Variants in BRD4 observed in about 807,000 individuals in gnomAD.
BRD4 encodes the protein bromodomain-containing protein 4.
A neutral mutation model predicts 142.1 loss-of-function variants in BRD4; 16 were observed. The observed-to-expected ratio is 0.11, with a 90% CI of 0.08 to 0.17. The LOEUF is 0.17. Ranked by LOEUF, BRD4 falls within the 10% of genes least tolerant of loss-of-function variation. BRD4 has a pLI of 1.00. For missense variants in BRD4, 1,424 were observed against 1,810.9 expected, an observed-to-expected ratio of 0.79 and a Z score of 3.88; for synonymous variants, 833 against 707.5, an observed-to-expected ratio of 1.18 and a Z score of -2.82.
At chr19:15,290,188 C>T (rs1223097295) in intron 1 of BRD4, among the ~76,000 whole-genome samples, 1 of 152,088 alleles carries the variant, frequency 6.6e-6, no homozygotes, top group African/African-American at 2.4e-5. Flanking sequence ...AAAGAAGCTC[C>T]CATCGAGGCC....
chr19:15,256,979 A>G lies in BRD4; in HGVS notation c.1536T>C (p.Ala512=). 1.3e-6 allele frequency: 2 copies of G among 1,575,558 alleles called. No homozygotes were observed. The highest frequency in any genetic ancestry group is 1.2e-5 in the South Asian group (1 of 85,886). The change falls in exon 8 of 20, where the codon GCT becomes GCC. Residue 512 remains alanine (A), a synonymous_variant. Transcript: ENST00000679869. The part of the protein sequence containing the change: ...DSEEERAQRL[A]ELQEQLKAVH... ...ATGCCCTCACCTGCTCCTGGAGCTC[A>G]GCCAGCCGCTGGGCTCGCTCCTCCT...
At chr19:15,314,503 C>T (rs554848937) in intron 1 of BRD4, among the ~76,000 whole-genome samples, 1 of 152,246 alleles carries the variant, frequency 6.6e-6, no homozygotes, top group East Asian at 1.9e-4. Context: ...TTATTTCCGA[C>T]GTCCTATTGG....
intron 1 of BRD4, among the ~76,000 whole-genome samples, chr19:15,297,671 G>A (rs571999127): frequency 6.6e-6 from 1 of 152,300 alleles, no homozygotes; most frequent in East Asian, 1.9e-4. Flanking sequence ...TTTGCTCAGG[G>A]ATCAGGTTTA....
intron 1 of BRD4, among the ~76,000 whole-genome samples, chr19:15,302,664 G>C (rs1387318288): frequency 2.1e-5 from 1 of 46,838 alleles, no homozygotes; most frequent in Non-Finnish European, 3.4e-5. Flanking sequence ...GCAAGACTCC[G>C]ACTCAAAAAA....
chr19:15,268,572 T>C (rs2047556761), intron 3 of BRD4, among the ~76,000 whole-genome samples: 1 of 152,180 alleles, frequency 6.6e-6, no homozygotes, highest in Admixed American at 6.5e-5. Flanking sequence ...CCAAATGGAC[T>C]TTGTCATGAG....
At position 15,254,278 on chromosome 19, in the gene BRD4, T is replaced by G; in HGVS notation, c.2048-16A>C. On this transcript the variant is annotated splice_polypyrimidine_tract_variant and intron_variant, in intron 10 of 19. Coordinates refer to ENST00000679869, the MANE Select transcript of BRD4 (RefSeq NM_001379291.1). ...ACTTTCTCAGCTGCAATCCAAGCAA[T>G]GGGAGCTGGTCAGGCAGGGCTGTGG... The G allele has an allele frequency of 6.2e-7, 1 of 1,608,516 alleles. No individual in the cohort carries two copies.
Position 15,238,961 on chromosome 19 carries a change from C to T in BRD4, c.3802G>A (p.Ala1268Thr). The change falls in exon 19 of 20, where the codon GCG becomes ACG. Residue 1268 changes from alanine to threonine, a missense_variant. Around this residue, in one of 16 missense-constraint regions of BRD4, gnomAD observed 109 missense variants for 117.9 expected, o/e 0.92. Coordinates refer to ENST00000679869, the MANE Select transcript of BRD4 (RefSeq NM_001379291.1). This position sits in a 1 kb window ranked among gnomAD's most constrained non-coding sequence, Gnocchi z 7.2. ...ERMRSREDEDALEQARRAHEE... is the reference protein window; with the variant it reads ...ERMRSREDEDTLEQARRAHEE... ...TGGGCCCGCCGGGCCTGCTCCAGCG[C>T]ATCCTCGTCCTCTCGGCTCCTGGGC... 2 of 1,590,976 alleles carry T rather than the reference C, an allele frequency of 1.3e-6. No homozygotes were observed. Among genetic ancestry groups the T allele is most frequent in the African/African-American group, 1.3e-5 (1 of 74,668 alleles).
intron 1 of BRD4, among the ~76,000 whole-genome samples, chr19:15,299,259 C>T (rs1201968496): frequency 6.6e-6 from 1 of 152,164 alleles, no homozygotes; most frequent in African/African-American, 2.4e-5. Context: ...AGAATGACCC[C>T]TGCCATTTTA....
At chr19:15,301,160 G>A (rs1436972055) in intron 1 of BRD4, among the ~76,000 whole-genome samples, 1 of 152,172 alleles carries the variant, frequency 6.6e-6, no homozygotes, top group Admixed American at 6.5e-5. Flanking sequence ...CTATGTTAAC[G>A]AAAAGAAGCC....
intron 1 of BRD4, among the ~76,000 whole-genome samples, chr19:15,328,608 G>A (rs553308895): frequency 1.7e-4 from 26 of 152,234 alleles, no homozygotes; most frequent in Middle Eastern, 3.4e-3. Context: ...TTTTTAAAGC[G>A]GGATTATTTG....
chr19:15,292,186 A>G (rs892299506), intron 1 of BRD4, among the ~76,000 whole-genome samples: 2 of 152,164 alleles, frequency 1.3e-5, no homozygotes, highest in African/African-American at 2.4e-5. Flanking sequence ...ATCCCACCAT[A>G]CTTAATGATC....
At chr19:15,257,716 C>T (rs536168796) in intron 7 of BRD4, among the ~76,000 whole-genome samples, 2 of 152,294 alleles carry the variant, frequency 1.3e-5, no homozygotes, top group South Asian at 4.1e-4. Context: ...AGTCGGTCTC[C>T]TCATTCCTCA....
chr19:15,273,108 T>C lies in BRD4; in HGVS notation c.-9A>G. On this transcript the variant is annotated 5_prime_UTR_variant, in exon 2 of 20. Coordinates refer to ENST00000679869, the MANE Select transcript of BRD4 (RefSeq NM_001379291.1). ...CCGCTCTCCGCAGACATGCTAGTGA[T>C]CCCATCACATTCTTCACCAGGCACT... 6.4e-7 allele frequency: 1 copy of C among 1,572,584 alleles called. No individual in the cohort carries two copies. Among genetic ancestry groups the C allele is most frequent in the Non-Finnish European group, 8.6e-7 (1 of 1,157,106 alleles).
chr19:15,247,225 G>C (rs1208769237), intron 11 of BRD4: 1 of 230,528 alleles, frequency 4.3e-6, no homozygotes, highest in Non-Finnish European at 8.6e-6. Flanking sequence ...GGAGGGTAAG[G>C]TCAGGGCAGA....
intron 1 of BRD4, among the ~76,000 whole-genome samples, chr19:15,302,939 C>T (rs1004408699): frequency 2.8e-5 from 4 of 143,624 alleles, no homozygotes; most frequent in Admixed American, 1.5e-4. Context: ...ACCCGGGAGG[C>T]GGAGCTTGCA....
intron 1 of BRD4, among the ~76,000 whole-genome samples, chr19:15,326,677 T>G (rs1228542478): frequency 6.6e-6 from 1 of 152,122 alleles, no homozygotes; most frequent in Non-Finnish European, 1.5e-5. Context: ...GAAAAAGCCT[T>G]ACAATCTCCT....
chr19:15,316,985 A>G (rs1195899029), intron 1 of BRD4, among the ~76,000 whole-genome samples: 1 of 152,226 alleles, frequency 6.6e-6, no homozygotes, highest in Non-Finnish European at 1.5e-5. Flanking sequence ...CATCTTGGAA[A>G]GCACTTCTGA....
intron 1 of BRD4, chr19:15,280,522 A>G (rs2047695577): frequency 3.4e-5 from 29 of 860,362 alleles, no homozygotes; most frequent in Non-Finnish European, 3.9e-5. Context: ...ACAATGAGAT[A>G]TATCCCGTGT....
intron 1 of BRD4, among the ~76,000 whole-genome samples, chr19:15,329,594 C>G (rs1409143777): frequency 2.0e-5 from 3 of 152,062 alleles, no homozygotes; most frequent in African/African-American, 7.2e-5. Context: ...CAAAAATTAG[C>G]TGGGCGTGGC....
Sources: gnomAD v4.1 joint callset for allele counts (sites outside exome capture counted in the v4.1 genomes callset) on GRCh38, gnomAD v4.1.1 for gene constraint, gnomAD v4.1.1 regional missense constraint, Gnocchi (gnomAD v3.1) non-coding constraint, MANE v1.5 for transcripts, NCBI Gene and HGNC (gene_info 2026-07-23, HGNC 2026-07-21) for gene names.